COBLL1: variants seen among roughly 807,000 people sequenced by gnomAD.
The protein encoded by COBLL1 is cordon-bleu WH2 repeat protein like 1.
COBLL1 carries 50 observed loss-of-function variants against 94.8 expected under a neutral mutation model. The observed-to-expected ratio is 0.53, with a 90% CI of 0.42 to 0.67. COBLL1 has a LOEUF of 0.67. COBLL1 is among the 30% of genes least tolerant of loss of function. The pLI, the probability that COBLL1 is intolerant of heterozygous loss-of-function variation, is 0.00. For missense variants in COBLL1, 1,362 were observed against 1,348.7 expected, an observed-to-expected ratio of 1.01 and a Z score of -0.15; for synonymous variants, 448 against 473.8, an observed-to-expected ratio of 0.95 and a Z score of 0.71.
chr2:164,810,219 G>T (rs1684395321), intron 2 of COBLL1, among the ~76,000 whole-genome samples: 1 of 151,256 alleles, frequency 6.6e-6, no homozygotes, highest in African/African-American at 2.4e-5. Flanking sequence ...TGGTATTTGG[G>T]ATATATTTAT....
At chr2:164,700,491 C>T in intron 10 of COBLL1, 31 bp downstream of exon 10, 1 of 1,370,584 alleles carries the variant, frequency 7.3e-7, no homozygotes, top group South Asian at 1.2e-5. Flanking sequence ...AAACTAACGG[C>T]CACCAACACT....
chr2:164,679,793 G>T (rs897711159), downstream of COBLL1, among the ~76,000 whole-genome samples: 6 of 151,504 alleles, frequency 4.0e-5, no homozygotes, highest in African/African-American at 1.5e-4. Flanking sequence ...GGGTGGGGGC[G>T]GGGGCTAGAG....
At chr2:164,696,485 T>C (rs1683950722) in intron 11 of COBLL1, 1 of 152,170 alleles carries the variant, frequency 6.6e-6, no homozygotes, top group Non-Finnish European at 1.5e-5. Context: ...TTATTTTTAG[T>C]TATAACATGG....
At chr2:164,734,206 C>T (rs1686174052) in intron 3 of COBLL1, among the ~76,000 whole-genome samples, 1 of 142,884 alleles carries the variant, frequency 7.0e-6, no homozygotes, top group South Asian at 2.2e-4. Context: ...GATGGTGTTA[C>T]ATGCTCTGAC....
At chr2:164,754,856 A>G (rs1185679373) in intron 2 of COBLL1, among the ~76,000 whole-genome samples, 1 of 152,148 alleles carries the variant, frequency 6.6e-6, no homozygotes, top group Non-Finnish European at 1.5e-5. Context: ...TGTGACAATG[A>G]AGTAGAGCAA....
At chr2:164,808,873 G>T (rs928316625) in intron 2 of COBLL1, among the ~76,000 whole-genome samples, 1 of 152,062 alleles carries the variant, frequency 6.6e-6, no homozygotes, top group Non-Finnish European at 1.5e-5. Context: ...AGAAATAGCT[G>T]GTATGTTGCC....
chr2:164,777,183 ATTTTTT>A (rs56230408), intron 2 of COBLL1, among the ~76,000 whole-genome samples: 1 of 151,720 alleles, frequency 6.6e-6, no homozygotes, highest in Non-Finnish European at 1.5e-5. Context: ...TTGTAGCTTG[ATTTTTT>A]TTTTATTTTT....
intron 2 of COBLL1, among the ~76,000 whole-genome samples, chr2:164,822,011 G>A (rs1318801584): frequency 6.6e-6 from 1 of 152,118 alleles, no homozygotes; most frequent in Non-Finnish European, 1.5e-5. Flanking sequence ...TGGTCCATAA[G>A]GTTTATTACT....
At chr2:164,679,789 G>C (rs1036238675), downstream of COBLL1, among the ~76,000 whole-genome samples, 1 of 151,692 alleles carries the variant, frequency 6.6e-6, no homozygotes, top group African/African-American at 2.4e-5. Flanking sequence ...CGGGGGGTGG[G>C]GGCGGGGGCT....
chr2:164,837,875 G>C (rs186006399), intron 2 of COBLL1, among the ~76,000 whole-genome samples: 1 of 152,226 alleles, frequency 6.6e-6, no homozygotes, highest in Admixed American at 6.5e-5. Context: ...GGATACTTCT[G>C]CATGTTACTA....
chr2:164,773,614 T>A, intron 2 of COBLL1: 1 of 441,010 alleles, frequency 2.3e-6, no homozygotes, highest in Non-Finnish European at 3.8e-6. Context: ...GCAAGGGTAA[T>A]CATAGTTTGA....
downstream of COBLL1, among the ~76,000 whole-genome samples, chr2:164,675,511 A>G (rs1691321195): frequency 6.6e-6 from 1 of 152,310 alleles, no homozygotes; most frequent in South Asian, 2.1e-4. Flanking sequence ...AAGAAAAGAA[A>G]GCTGCCAAAG....
chr2:164,678,371 TAC>T (rs1337920456), downstream of COBLL1, among the ~76,000 whole-genome samples: 8 of 152,040 alleles, frequency 5.3e-5, no homozygotes, highest in Non-Finnish European at 1.0e-4. Context: ...ATTTAACTAA[TAC>T]AGTTAAAAAA....
intron 2 of COBLL1, among the ~76,000 whole-genome samples, chr2:164,772,794 G>T (rs1394204283): frequency 1.3e-5 from 2 of 151,966 alleles, no homozygotes; most frequent in Non-Finnish European, 2.9e-5. Context: ...TCTATTTAAG[G>T]GATGAAGTTA....
At chr2:164,772,943 C>T (rs1384818529) in intron 2 of COBLL1, among the ~76,000 whole-genome samples, 1 of 138,062 alleles carries the variant, frequency 7.2e-6, no homozygotes, top group Non-Finnish European at 1.6e-5. Flanking sequence ...CTTAGAATGT[C>T]CACGAGCAAC....
intron 1 of COBLL1, among the ~76,000 whole-genome samples, chr2:164,666,683 A>G (rs1013831098): frequency 3.3e-5 from 5 of 152,206 alleles, no homozygotes; most frequent in Admixed American, 6.5e-5. Context: ...TGTAATATCT[A>G]AATCCTTTGT....
intron 2 of COBLL1, among the ~76,000 whole-genome samples, chr2:164,818,151 T>C (rs1487718918): frequency 6.6e-6 from 1 of 151,452 alleles, no homozygotes; most frequent in Non-Finnish European, 1.5e-5. Flanking sequence ...TATGTACATG[T>C]ATACGTGTAT....
intron 7 of COBLL1, among the ~76,000 whole-genome samples, chr2:164,719,251 A>G (rs1018903807): frequency 6.6e-6 from 1 of 152,174 alleles, no homozygotes; most frequent in African/African-American, 2.4e-5. Flanking sequence ...CTGGTGAAAA[A>G]CAATGATTCG....
Position 164,700,537 on chromosome 2 carries a change from T to C in COBLL1, c.1445A>G (p.Lys482Arg). 1 of 1,612,238 alleles carries C rather than the reference T, an allele frequency of 6.2e-7. No homozygotes were observed. The highest frequency in any genetic ancestry group is 8.5e-7 in the Non-Finnish European group (1 of 1,178,486). Residue 482 changes from lysine to arginine, a missense_variant, in exon 10 of 14, where the codon AAA (lysine) becomes AGA (arginine). Transcript: ENST00000652658. Reference sequence around the variant, plus strand: ...GACTACTTACTGTCCATCTGTGCTTTTAGTTTCTTGTTTTTCTTCCATGGA... The same window carrying C: ...GACTACTTACTGTCCATCTGTGCTTCTAGTTTCTTGTTTTTCTTCCATGGA... ...QNSMEEKQET[K>R]STDGQEPHSV...
Sources: allele counts gnomAD v4.1 joint callset (sites outside exome capture counted in the v4.1 genomes callset), GRCh38; gene constraint gnomAD v4.1.1; transcripts MANE v1.5; gene names NCBI Gene and HGNC (gene_info 2026-07-23, HGNC 2026-07-21).